Variants in IQGAP2 observed in about 807,000 individuals in gnomAD.
IQGAP2 encodes the protein IQ motif containing GTPase activating protein 2.
A neutral mutation model predicts 201.3 loss-of-function variants in IQGAP2; 173 were observed. That is an observed-to-expected ratio of 0.86 (90% CI 0.76 to 0.98). The LOEUF (loss-of-function observed/expected upper bound fraction) is 0.98, where lower values mean the gene tolerates loss of function less well. IQGAP2 is among the 50% of genes least tolerant of loss of function. The pLI, the probability that IQGAP2 is intolerant of heterozygous loss-of-function variation, is 0.00. For synonymous variants in IQGAP2, 675 were observed against 673.9 expected (o/e 1.00, Z -0.03); for missense variants, 1,687 against 1,864.8 (o/e 0.90, Z 1.76).
chr5:76,553,602 G>A (rs1743711186), intron 2 of IQGAP2, among the ~76,000 whole-genome samples: 1 of 152,142 alleles, frequency 6.6e-6, no homozygotes, highest in Admixed American at 6.5e-5. Context: ...TTGTGGGGTG[G>A]TTTCTTTTTC....
chr5:76,499,927 G>A (rs1264496370), intron 2 of IQGAP2, among the ~76,000 whole-genome samples: 1 of 151,982 alleles, frequency 6.6e-6, no homozygotes, highest in African/African-American at 2.4e-5. Context: ...GAAGCATAGT[G>A]AAACCTCATC....
intron 1 of IQGAP2, among the ~76,000 whole-genome samples, chr5:76,420,842 A>G (rs370259108): frequency 6.6e-6 from 1 of 152,148 alleles, no homozygotes; most frequent in Non-Finnish European, 1.5e-5. Flanking sequence ...TTGGTCTTTT[A>G]TGTCTGGCTT....
intron 1 of IQGAP2, among the ~76,000 whole-genome samples, chr5:76,423,568 C>T (rs1751844170): frequency 6.6e-6 from 1 of 152,182 alleles, no homozygotes; most frequent in Non-Finnish European, 1.5e-5. Context: ...TTGCAGTGAG[C>T]TGAGATCGTG....
chr5:76,516,877 T>C (rs1365829770), intron 2 of IQGAP2, among the ~76,000 whole-genome samples: 1 of 152,246 alleles, frequency 6.6e-6, no homozygotes, highest in East Asian at 1.9e-4. Context: ...TAAAAAATTT[T>C]ATTTTTCATG....
At chr5:76,617,476 A>T in intron 13 of IQGAP2, 1 of 801,596 alleles carries the variant, frequency 1.2e-6, no homozygotes, top group Non-Finnish European at 2.0e-6. Flanking sequence ...CCTTTGAAGC[A>T]TATTTCTTAG....
rs777947576 is a variant in IQGAP2 at position 76,695,557 on chromosome 5, C to T, written c.4097C>T (p.Pro1366Leu). Reference protein sequence around the residue: ...SQSMIEDAQLPLEQKKRKIQR... With the variant: ...SQSMIEDAQLLLEQKKRKIQR... ...TCTATGATTGAAGATGCACAGCTGC[C>T]TCTTGAGCAGAAGAAGAGGAAAATC... Residue 1366 changes from proline to leucine, a missense_variant, in exon 32 of 36, where the codon CCT becomes CTT. Coordinates refer to ENST00000274364, the MANE Select transcript of IQGAP2 (RefSeq NM_006633.5). 1 of 1,613,940 alleles carries T rather than the reference C, an allele frequency of 6.2e-7. No individual in the cohort carries two copies. The highest frequency in any genetic ancestry group is 1.1e-5 in the South Asian group (1 of 91,084).
intron 1 of IQGAP2, among the ~76,000 whole-genome samples, chr5:76,419,258 A>C (rs1008897655): frequency 6.6e-6 from 1 of 152,088 alleles, no homozygotes; most frequent in African/African-American, 2.4e-5. Flanking sequence ...CCAAGTAGCT[A>C]GGACTACAGG....
At chr5:76,689,236 A>T (rs1746052380) in intron 30 of IQGAP2, among the ~76,000 whole-genome samples, 1 of 145,546 alleles carries the variant, frequency 6.9e-6, no homozygotes, top group Admixed American at 7.3e-5. Context: ...TATTTAAAAA[A>T]AAAAAAAAAA....
Position 76,403,768 on chromosome 5 carries a change from CG to C in IQGAP2, c.46+178del, listed in dbSNP as rs1232525885. ...CAAAGGGCAGTGAATCGCGTCCCCC[CG>C]CTCCTCCCGCCCCCCAATTCCTAAT... On this transcript the variant is annotated intron_variant, in intron 1 of 35. Coordinates refer to ENST00000274364, the MANE Select transcript of IQGAP2 (RefSeq NM_006633.5). This position sits in a 1 kb window ranked among gnomAD's most constrained non-coding sequence, Gnocchi z 4.8. Among the ~76,000 whole-genome samples, 2 of 152,128 alleles carry C rather than the reference CG, an allele frequency of 1.3e-5. No homozygotes were observed. The highest frequency in any genetic ancestry group is 4.8e-5 in the African/African-American group (2 of 41,424).
At chr5:76,587,155 G>A (rs1199546375) in intron 5 of IQGAP2, among the ~76,000 whole-genome samples, 1 of 152,200 alleles carries the variant, frequency 6.6e-6, no homozygotes, top group Non-Finnish European at 1.5e-5. Flanking sequence ...AACAGAGCTA[G>A]AAAGTTAACC....
rs369344159 is a variant in IQGAP2 at position 76,695,654 on chromosome 5, T to C, written c.4194T>C (p.Asn1398=). 83 of 1,609,250 alleles carry C rather than the reference T, an allele frequency of 5.2e-5. No individual in the cohort carries two copies. The highest frequency in any genetic ancestry group is 6.9e-5 in the Non-Finnish European group (81 of 1,175,732). Residue 1398 remains asparagine, a synonymous_variant, in exon 32 of 36, where the codon AAT becomes AAC. Coordinates refer to ENST00000274364, the MANE Select transcript of IQGAP2 (RefSeq NM_006633.5). The stretch of plus-strand genomic sequence containing the variant: ...AAAATAAATACCAAGACATTCTCAA[T>C]GAGATTGCCAAGGTTTTTGGAAACA... ...SSENKYQDIL[N]EIAKDIRNQR...
At chr5:76,510,782 C>T (rs962933319) in intron 2 of IQGAP2, 2 of 455,648 alleles carry the variant, frequency 4.4e-6, no homozygotes, top group African/African-American at 2.0e-5. Flanking sequence ...ACCTCCTTGG[C>T]ACCTGCCCCC....
chr5:76,705,112 C>T (rs10053089), intron 35 of IQGAP2, among the ~76,000 whole-genome samples: 49,041 of 151,918 alleles, frequency 0.32, 8,064 homozygotes, highest in Non-Finnish European at 0.35. Flanking sequence ...TCTTCCTCTC[C>T]TAGATGAAGA....
intron 13 of IQGAP2, chr5:76,616,865 G>A (rs1201272442): frequency 6.6e-6 from 1 of 151,904 alleles, no homozygotes; most frequent in African/African-American, 2.4e-5. Context: ...TTAAAAAAAG[G>A]AAAAAAGAAG....
At chr5:76,541,710 A>G (rs1187167686) in intron 2 of IQGAP2, among the ~76,000 whole-genome samples, 1 of 152,130 alleles carries the variant, frequency 6.6e-6, no homozygotes, top group African/African-American at 2.4e-5. Flanking sequence ...TTTCTTTAAA[A>G]CCAGTAGCCA....
At chr5:76,697,344 T>C (rs1048770520) in intron 32 of IQGAP2, among the ~76,000 whole-genome samples, 4 of 152,194 alleles carry the variant, frequency 2.6e-5, no homozygotes, top group African/African-American at 9.6e-5. Context: ...AAGAGGAATA[T>C]TCAAAATAGT....
chr5:76,610,819 G>A (rs1748331600), intron 12 of IQGAP2, among the ~76,000 whole-genome samples: 1 of 151,940 alleles, frequency 6.6e-6, no homozygotes, highest in Non-Finnish European at 1.5e-5. Context: ...ATTTGTAGTT[G>A]CAGTCTTATG....
chr5:76,663,470 C>T (rs1180519860), intron 21 of IQGAP2, among the ~76,000 whole-genome samples: 1 of 117,802 alleles, frequency 8.5e-6, no homozygotes, highest in African/African-American at 2.7e-5. Flanking sequence ...CAGCGACTTT[C>T]AAATATGAGT....
At chr5:76,536,316 C>T (rs1759619456) in intron 2 of IQGAP2, among the ~76,000 whole-genome samples, 1 of 150,816 alleles carries the variant, frequency 6.6e-6, no homozygotes. Context: ...GGTGATCCAC[C>T]CACCTCAGCC....
Sources: gnomAD v4.1 joint callset for allele counts (sites outside exome capture counted in the v4.1 genomes callset) on GRCh38, gnomAD v4.1.1 for gene constraint, Gnocchi (gnomAD v3.1) non-coding constraint, MANE v1.5 for transcripts, NCBI Gene and HGNC (gene_info 2026-07-23, HGNC 2026-07-21) for gene names.